Variants in PRELID2 observed in about 807,000 individuals in gnomAD.
PRELID2 encodes the protein PRELI domain containing 2, also known as PRELI domain-containing protein 2.
A neutral mutation model predicts 28.4 loss-of-function variants in PRELID2; 25 were observed. The ratio of observed to expected loss-of-function variants is 0.88; its 90% CI spans 0.64 to 1.23. The LOEUF is 1.23. PRELID2 is among the 50% of genes most tolerant of loss of function. PRELID2 has a pLI of 0.00. For missense variants in PRELID2, 201 were observed against 214.4 expected (o/e 0.94, Z 0.39); for synonymous variants, 76 against 71.6 (o/e 1.06, Z -0.31).
the PRELID2 span, among the ~76,000 whole-genome samples, chr5:145,254,783 T>C: frequency 6.6e-6 from 1 of 152,112 alleles, no homozygotes; most frequent in East Asian, 1.9e-4. Context: ...TAATCATCTA[T>C]GACTGAGAGA....
the PRELID2 span, among the ~76,000 whole-genome samples, chr5:145,340,764 A>AATATAGAT: frequency 1.3e-5 from 1 of 79,212 alleles, no homozygotes; most frequent in African/African-American, 4.9e-5. Flanking sequence ...CCTGCCTAAA[A>AATATAGAT]ATATACATAT....
At chr5:145,420,161 G>T in the PRELID2 span, among the ~76,000 whole-genome samples, 57 of 152,234 alleles carry the variant, frequency 3.7e-4, no homozygotes, top group African/African-American at 1.3e-3. Flanking sequence ...AAGTCAGGTA[G>T]TGTGATGCCT....
intron 1 of PRELID2, among the ~76,000 whole-genome samples, chr5:145,596,130 G>T (rs1389833735): frequency 7.2e-6 from 1 of 139,364 alleles, no homozygotes; most frequent in East Asian, 2.0e-4. Context: ...GTCTGTTTAG[G>T]CTCTGAGCAA....
At chr5:145,244,523 T>C in the PRELID2 span, among the ~76,000 whole-genome samples, 1 of 151,996 alleles carries the variant, frequency 6.6e-6, no homozygotes, top group East Asian at 1.9e-4. Context: ...AAGGCTGTTA[T>C]GAGACCATAT....
chr5:145,618,995 T>G (rs1437321723), intron 1 of PRELID2, among the ~76,000 whole-genome samples: 5 of 152,080 alleles, frequency 3.3e-5, no homozygotes, highest in Non-Finnish European at 5.9e-5. Flanking sequence ...CTCACCCAGC[T>G]TCCATGCAAT....
At chr5:145,615,656 T>C (rs2149648238) in intron 1 of PRELID2, among the ~76,000 whole-genome samples, 1 of 152,278 alleles carries the variant, frequency 6.6e-6, no homozygotes, top group East Asian at 1.9e-4. Flanking sequence ...AGATAGTTGG[T>C]TGGTGAATTC....
At chr5:145,444,806 A>T in the PRELID2 span, among the ~76,000 whole-genome samples, 1 of 152,108 alleles carries the variant, frequency 6.6e-6, no homozygotes, top group African/African-American at 2.4e-5. Context: ...TAATATGCCA[A>T]GCATTAGATT....
the PRELID2 span, among the ~76,000 whole-genome samples, chr5:145,342,671 T>C: frequency 6.6e-6 from 1 of 151,920 alleles, no homozygotes; most frequent in Non-Finnish European, 1.5e-5. Flanking sequence ...TTGAGATCTA[T>C]TGCTAGAGAA....
chr5:145,622,087 A>G (rs1008698764), intron 1 of PRELID2, among the ~76,000 whole-genome samples: 1 of 152,190 alleles, frequency 6.6e-6, no homozygotes, highest in African/African-American at 2.4e-5. Flanking sequence ...CACCTATTAT[A>G]TGATTCCATT....
chr5:145,528,074 T>C (rs1752624273), intron 1 of PRELID2, among the ~76,000 whole-genome samples: 1 of 152,120 alleles, frequency 6.6e-6, no homozygotes, highest in Non-Finnish European at 1.5e-5. Context: ...ACCCTTCAGC[T>C]CCTCCACCCT....
At position 145,617,632 on chromosome 5, in the gene PRELID2, T is replaced by C. The variant is rs367557299; in HGVS notation, n.71-144317A>G. On this transcript the variant is annotated intron_variant and non_coding_transcript_variant, in intron 1 of 2. Coordinates refer to the PRELID2 transcript ENST00000510259. ...CTTCAAGCGCTGAATTTCTTTCTTC[T>C]ACTTATTTAATTCTATCGATGAGAT... Among the ~76,000 whole-genome samples the C allele has an allele frequency of 5.3e-5, 8 of 152,318 alleles. No homozygotes were observed. In the East Asian group the frequency reaches 1.2e-3, roughly 22 times the overall value.
intron 1 of PRELID2, among the ~76,000 whole-genome samples, chr5:145,616,816 C>T (rs1753704609): frequency 6.6e-6 from 1 of 152,132 alleles, no homozygotes; most frequent in Non-Finnish European, 1.5e-5. Context: ...AGCAGACAAC[C>T]AGTCTGACCA....
At chr5:145,652,649 T>C (rs1415188734) in intron 1 of PRELID2, among the ~76,000 whole-genome samples, 1 of 152,160 alleles carries the variant, frequency 6.6e-6, no homozygotes, top group Non-Finnish European at 1.5e-5. Context: ...CCAGCCAAAC[T>C]AAGCTTCATA....
the PRELID2 span, among the ~76,000 whole-genome samples, chr5:145,412,972 G>A: frequency 3.9e-5 from 6 of 152,074 alleles, no homozygotes; most frequent in South Asian, 4.2e-4. Context: ...GAACCGCATG[G>A]GGGAAACCAC....
intron 1 of PRELID2, among the ~76,000 whole-genome samples, chr5:145,823,827 C>T (rs979332035): frequency 6.6e-6 from 1 of 152,148 alleles, no homozygotes; most frequent in Admixed American, 6.6e-5. Context: ...ATAGCCACTG[C>T]TTTTGTCGTA....
At chr5:145,482,546 G>A (rs1308501682) in intron 1 of PRELID2, among the ~76,000 whole-genome samples, 7 of 151,928 alleles carry the variant, frequency 4.6e-5, no homozygotes, top group South Asian at 2.1e-4. Flanking sequence ...ACACAGCAGC[G>A]GTCCCCAACT....
chr5:145,805,731 A>T (rs1753453456), intron 4 of PRELID2, among the ~76,000 whole-genome samples: 1 of 152,216 alleles, frequency 6.6e-6, no homozygotes, highest in African/African-American at 2.4e-5. Flanking sequence ...CAAACATCAT[A>T]GAGTGTACTT....
At chr5:145,654,693 C>T (rs2149673457) in intron 1 of PRELID2, among the ~76,000 whole-genome samples, 1 of 152,170 alleles carries the variant, frequency 6.6e-6, no homozygotes, top group African/African-American at 2.4e-5. Flanking sequence ...TGACAAAATT[C>T]AACAACCCTT....
intron 4 of PRELID2, among the ~76,000 whole-genome samples, chr5:145,817,190 C>CAAAAAAAAA (rs1246315266): frequency 2.3e-5 from 1 of 42,652 alleles, no homozygotes; most frequent in Non-Finnish European, 5.9e-5. Context: ...GACTGCATTT[C>CAAAAAAAAA]AAAAAAAAAT....
Sources: allele counts gnomAD v4.1 joint callset (sites outside exome capture counted in the v4.1 genomes callset), GRCh38; gene constraint gnomAD v4.1.1; transcripts MANE v1.5; gene names NCBI Gene and HGNC (gene_info 2026-07-23, HGNC 2026-07-21).